The following CAST variants were observed in gnomAD, a reference collection of about 807,000 sequenced individuals.
CAST encodes calpastatin.
CAST carries 76 observed loss-of-function variants against 119.6 expected under a neutral mutation model. That is an observed-to-expected ratio of 0.64 (90% CI 0.53 to 0.77). The LOEUF (loss-of-function observed/expected upper bound fraction) is 0.77. Ranked by LOEUF, CAST falls within the 30% of genes least tolerant of loss-of-function variation. The pLI, the probability that CAST is intolerant of heterozygous loss-of-function variation, is 0.00. For missense variants in CAST, 953 were observed against 946.5 expected, an observed-to-expected ratio of 1.01 and a Z score of -0.09; for synonymous variants, 319 against 331.6, an observed-to-expected ratio of 0.96 and a Z score of 0.41.
At chr5:96,235,128 C>G in the CAST span, among the ~76,000 whole-genome samples, 2 of 152,174 alleles carry the variant, frequency 1.3e-5, no homozygotes, top group Non-Finnish European at 2.9e-5. Context: ...CCAAGTGATT[C>G]TCCTGGTTCA....
At chr5:96,472,272 C>G in the CAST span, among the ~76,000 whole-genome samples, 1 of 152,166 alleles carries the variant, frequency 6.6e-6, no homozygotes, top group Non-Finnish European at 1.5e-5. Flanking sequence ...TAGATTTAAT[C>G]TGGAAGGATG....
the CAST span, among the ~76,000 whole-genome samples, chr5:96,358,849 A>G: frequency 0.021 from 3,162 of 152,246 alleles, 108 homozygotes; most frequent in African/African-American, 0.072. Context: ...TCTTAGGTCT[A>G]CTTGGTCTGG....
chr5:96,007,578 C>T, the CAST span, among the ~76,000 whole-genome samples: 1 of 152,076 alleles, frequency 6.6e-6, no homozygotes, highest in Non-Finnish European at 1.5e-5. Context: ...GGGTGGGGCT[C>T]TCGTGACGCG....
intron 7 of CAST, among the ~76,000 whole-genome samples, 177 bp downstream of exon 7, chr5:96,729,386 T>G (rs1399730109): frequency 6.6e-6 from 1 of 152,262 alleles, no homozygotes; most frequent in Admixed American, 6.5e-5. Flanking sequence ...TGATTCTTGC[T>G]GAATTTTGGG....
chr5:96,711,154 T>C (rs962354940), intron 3 of CAST, among the ~76,000 whole-genome samples: 6 of 152,340 alleles, frequency 3.9e-5, no homozygotes, highest in Admixed American at 3.9e-4. Context: ...ATATTTTCAA[T>C]TAAAATCTTT....
At chr5:96,117,991 G>A in the CAST span, among the ~76,000 whole-genome samples, 3 of 152,250 alleles carry the variant, frequency 2.0e-5, no homozygotes, top group South Asian at 6.2e-4. Flanking sequence ...TTAATTATTG[G>A]TGGCAATGGA....
the CAST span, among the ~76,000 whole-genome samples, chr5:96,201,995 G>T: frequency 1.3e-5 from 2 of 152,026 alleles, no homozygotes; most frequent in Admixed American, 6.6e-5. Flanking sequence ...CTTAAAGACA[G>T]TTCCAAAAGA....
chr5:96,495,268 T>A, the CAST span, among the ~76,000 whole-genome samples: 2 of 152,200 alleles, frequency 1.3e-5, no homozygotes, highest in African/African-American at 4.8e-5. Context: ...TTGTTTTTTT[T>A]ACTTTAAGTT....
chr5:96,198,958 A>C, the CAST span, among the ~76,000 whole-genome samples: 1,403 of 152,320 alleles, frequency 9.2e-3, 14 homozygotes, highest in African/African-American at 0.032. Context: ...AGCTCTGAGC[A>C]TCATGTCTTA....
the CAST span, among the ~76,000 whole-genome samples, chr5:96,446,810 T>A: frequency 1.3e-5 from 2 of 152,166 alleles, no homozygotes; most frequent in Non-Finnish European, 2.9e-5. Context: ...AAATGTTGCC[T>A]GGGCTAGAAA....
At chr5:96,420,211 A>C in the CAST span, among the ~76,000 whole-genome samples, 1 of 152,248 alleles carries the variant, frequency 6.6e-6, no homozygotes, top group Non-Finnish European at 1.5e-5. Context: ...TTAGGGGAAG[A>C]AAATGGAATA....
At chr5:96,120,362 T>G in the CAST span, among the ~76,000 whole-genome samples, 1 of 152,268 alleles carries the variant, frequency 6.6e-6, no homozygotes, top group East Asian at 1.9e-4. Flanking sequence ...AAGCAACAGT[T>G]GGAGCTCATG....
At chr5:96,520,418 A>G (rs760022395), upstream of CAST, among the ~76,000 whole-genome samples, 1 of 152,222 alleles carries the variant, frequency 6.6e-6, no homozygotes, top group African/African-American at 2.4e-5. Context: ...ATACACTCAG[A>G]TGCCCCACAG....
At chr5:95,978,812 G>A in the CAST span, among the ~76,000 whole-genome samples, 5 of 152,050 alleles carry the variant, frequency 3.3e-5, no homozygotes, top group African/African-American at 1.2e-4. Flanking sequence ...AAACCTTCAT[G>A]GTACACTTAA....
chr5:96,750,096 C>A (rs1021207764), intron 19 of CAST, among the ~76,000 whole-genome samples: 1 of 152,072 alleles, frequency 6.6e-6, no homozygotes, highest in Non-Finnish European at 1.5e-5. Flanking sequence ...TCCTACATAG[C>A]TGTATATAAA....
chr5:96,033,497 A>T, the CAST span, among the ~76,000 whole-genome samples: 8 of 152,148 alleles, frequency 5.3e-5, no homozygotes, highest in East Asian at 1.5e-3. Context: ...GTAAATCCAC[A>T]CATATACAGA....
chr5:96,605,983 C>A (rs775213104), intron 1 of CAST, among the ~76,000 whole-genome samples: 2 of 152,092 alleles, frequency 1.3e-5, no homozygotes, highest in African/African-American at 2.4e-5. Flanking sequence ...CTGCTACTGG[C>A]GGTAAGATTT....
At chr5:96,103,106 T>C in the CAST span, among the ~76,000 whole-genome samples, 2 of 152,204 alleles carry the variant, frequency 1.3e-5, no homozygotes, top group African/African-American at 2.4e-5. Flanking sequence ...TAGTTGTTTT[T>C]TAATAAAAAA....
chr5:96,076,686 A>G, the CAST span, among the ~76,000 whole-genome samples: 2 of 152,206 alleles, frequency 1.3e-5, no homozygotes, highest in Non-Finnish European at 2.9e-5. Context: ...TGTCATAAGA[A>G]TATTCAATGA....
Sources: allele counts gnomAD v4.1 joint callset (sites outside exome capture counted in the v4.1 genomes callset), GRCh38; gene constraint gnomAD v4.1.1; transcripts MANE v1.5; gene names NCBI Gene and HGNC (gene_info 2026-07-23, HGNC 2026-07-21).